PTPRK: variants seen among roughly 807,000 people sequenced by gnomAD.
PTPRK encodes the protein receptor-type tyrosine-protein phosphatase kappa.
PTPRK carries 75 observed loss-of-function variants against 178.0 expected under a neutral mutation model. The observed-to-expected ratio is 0.42, with a 90% confidence interval of 0.35 to 0.51. The LOEUF is 0.51. PTPRK is among the 20% of genes least tolerant of loss of function. The pLI is 0.02. For synonymous variants in PTPRK, 637 were observed against 620.6 expected, an observed-to-expected ratio of 1.03 and a Z score of -0.39; for missense variants, 1,441 against 1,797.8, an observed-to-expected ratio of 0.80 and a Z score of 3.59.
intron 11 of PTPRK, among the ~76,000 whole-genome samples, chr6:128,072,945 C>T (rs1453171776): frequency 6.6e-6 from 1 of 152,006 alleles, no homozygotes; most frequent in Non-Finnish European, 1.5e-5. Flanking sequence ...AAATGGTATT[C>T]TCAAAAACTC....
intron 6 of PTPRK, among the ~76,000 whole-genome samples, chr6:128,190,201 G>C (rs142963443): frequency 6.6e-6 from 1 of 152,078 alleles, no homozygotes; most frequent in African/African-American, 2.4e-5. Context: ...TACACTGCCA[G>C]TTTAAAAACT....
intron 6 of PTPRK, among the ~76,000 whole-genome samples, chr6:128,215,762 G>A (rs1278427670): frequency 1.3e-5 from 2 of 151,958 alleles, no homozygotes; most frequent in African/African-American, 4.8e-5. Flanking sequence ...GGTCATCTTT[G>A]ACAACAGGCA....
At chr6:128,177,250 T>G (rs902830125) in intron 7 of PTPRK, among the ~76,000 whole-genome samples, 3 of 151,774 alleles carry the variant, frequency 2.0e-5, no homozygotes, top group Non-Finnish European at 4.4e-5. Context: ...ATACTCCTGG[T>G]GTTATCATCA....
intron 7 of PTPRK, among the ~76,000 whole-genome samples, chr6:128,121,278 G>T (rs1180784405): frequency 6.6e-6 from 1 of 151,998 alleles, no homozygotes; most frequent in Non-Finnish European, 1.5e-5. Context: ...GTTTTAATCA[G>T]ACAATATCAC....
chr6:127,985,060 A>G (rs1394919890), intron 22 of PTPRK, among the ~76,000 whole-genome samples: 1 of 152,062 alleles, frequency 6.6e-6, no homozygotes, highest in South Asian at 2.1e-4. Context: ...TCATTTAGGA[A>G]ACGCTTTTCA....
At chr6:128,108,116 AC>A (rs1790039091) in intron 7 of PTPRK, among the ~76,000 whole-genome samples, 4 of 148,980 alleles carry the variant, frequency 2.7e-5, no homozygotes, top group African/African-American at 9.9e-5. Context: ...ACACACACAC[AC>A]AAATTTCACT....
intron 1 of PTPRK, among the ~76,000 whole-genome samples, chr6:128,461,072 T>A (rs1848995029): frequency 6.6e-6 from 1 of 152,210 alleles, no homozygotes; most frequent in South Asian, 2.1e-4. Context: ...TACATTCATC[T>A]TTTTTCATTT....
chr6:128,175,470 T>C (rs1031797588), intron 7 of PTPRK, among the ~76,000 whole-genome samples: 3 of 151,820 alleles, frequency 2.0e-5, no homozygotes, highest in African/African-American at 7.2e-5. Context: ...AACATAAGAA[T>C]GGTTACATAC....
At chr6:128,291,552 T>C (rs1823387904) in intron 3 of PTPRK, among the ~76,000 whole-genome samples, 1 of 152,126 alleles carries the variant, frequency 6.6e-6, no homozygotes, top group Non-Finnish European at 1.5e-5. Flanking sequence ...ATCCCTGTAC[T>C]TTCATTGGTC....
At chr6:128,240,803 G>A (rs1814281289) in intron 4 of PTPRK, among the ~76,000 whole-genome samples, 1 of 152,128 alleles carries the variant, frequency 6.6e-6, no homozygotes, top group Admixed American at 6.5e-5. Context: ...AATAATGACT[G>A]CAGTCAAAAT....
chr6:128,353,851 A>C (rs1194703068), intron 2 of PTPRK, among the ~76,000 whole-genome samples: 2 of 152,194 alleles, frequency 1.3e-5, no homozygotes, highest in African/African-American at 4.8e-5. Context: ...AATAACACAC[A>C]TACACATATG....
chr6:128,155,347 C>A (rs1229564349), intron 7 of PTPRK, among the ~76,000 whole-genome samples: 1 of 151,606 alleles, frequency 6.6e-6, no homozygotes, highest in Non-Finnish European at 1.5e-5. Flanking sequence ...TTAAGTTTTG[C>A]ACAGTGGAAA....
At chr6:128,339,563 A>T (rs2128330234) in intron 2 of PTPRK, among the ~76,000 whole-genome samples, 1 of 152,252 alleles carries the variant, frequency 6.6e-6, no homozygotes, top group Non-Finnish European at 1.5e-5. Context: ...CTGCTACAAC[A>T]CACATATGTA....
chr6:128,487,735 G>T (rs1853163402), intron 1 of PTPRK, among the ~76,000 whole-genome samples: 1 of 151,994 alleles, frequency 6.6e-6, no homozygotes, highest in Admixed American at 6.6e-5. Flanking sequence ...TGCGTCTTTG[G>T]GCCTTCATTT....
chr6:128,433,392 CT>C (rs1845091859), intron 1 of PTPRK, among the ~76,000 whole-genome samples: 1 of 152,164 alleles, frequency 6.6e-6, no homozygotes. Context: ...CTTTCTGTGC[CT>C]GGCATATTTC....
At position 128,001,831 on chromosome 6, in the gene PTPRK, A is replaced by G. The variant is rs184820629; in HGVS notation, c.2495-2927T>C. Reference sequence around the variant, plus strand: ...GGAAACTTTTAACATTTAGGCAACTAATTTTTTTCCAATTAGTTCTCAATA... The same window carrying G: ...GGAAACTTTTAACATTTAGGCAACTGATTTTTTTCCAATTAGTTCTCAATA... On this transcript the variant is annotated intron_variant, in intron 15 of 29. Transcript: ENST00000368226. Among the ~76,000 whole-genome samples, 18 of 152,022 alleles carry G rather than the reference A, an allele frequency of 1.2e-4. No homozygotes were observed. The East Asian group carries it at 3.5e-3, about 30-fold the overall frequency.
At chr6:128,214,588 G>A (rs1808886048) in intron 6 of PTPRK, among the ~76,000 whole-genome samples, 2 of 140,692 alleles carry the variant, frequency 1.4e-5, no homozygotes. Context: ...GTTGTGGTAG[G>A]TACTGCCCTC....
At chr6:128,348,396 C>T (rs1344833628) in intron 2 of PTPRK, among the ~76,000 whole-genome samples, 3 of 151,798 alleles carry the variant, frequency 2.0e-5, no homozygotes, top group African/African-American at 7.3e-5. Context: ...CTTTCACTTG[C>T]AAATAAAATG....
At chr6:128,217,176 G>A (rs1208780455) in intron 6 of PTPRK, among the ~76,000 whole-genome samples, 1 of 152,168 alleles carries the variant, frequency 6.6e-6, no homozygotes, top group Admixed American at 6.5e-5. Flanking sequence ...ACTTAACAAA[G>A]ATGCATGTGT....
Sources: allele counts gnomAD v4.1 joint callset (sites outside exome capture counted in the v4.1 genomes callset), GRCh38; gene constraint gnomAD v4.1.1; transcripts MANE v1.5; gene names NCBI Gene and HGNC (gene_info 2026-07-23, HGNC 2026-07-21).